HCK: variants seen among roughly 807,000 people sequenced by gnomAD.
HCK encodes the protein tyrosine-protein kinase HCK.
Under a neutral mutation model 70.4 loss-of-function variants are expected in HCK, and 40 were observed. The ratio of observed to expected loss-of-function variants is 0.57; its 90% CI spans 0.44 to 0.74. The LOEUF is 0.74. HCK is among the 30% of genes least tolerant of loss of function. The pLI is 0.00. For missense variants in HCK, 568 were observed against 697.2 expected, an observed-to-expected ratio of 0.81 and a Z score of 2.09; for synonymous variants, 245 against 263.2, an observed-to-expected ratio of 0.93 and a Z score of 0.67.
chr20:32,060,042 G>C (rs930970060), intron 1 of HCK, among the ~76,000 whole-genome samples: 7 of 152,040 alleles, frequency 4.6e-5, no homozygotes, highest in African/African-American at 1.7e-4. Flanking sequence ...TCAGTACCAC[G>C]GCAGGTTAAA....
chr20:32,094,774 A>AG (rs2045921041), intron 11 of HCK, among the ~76,000 whole-genome samples: 3 of 123,844 alleles, frequency 2.4e-5, no homozygotes, highest in African/African-American at 9.7e-5. Context: ...GGAAAGAAAG[A>AG]AAGAGAGAGA....
chr20:32,075,682 T>TCATCCATCCATC (rs1415735376), intron 5 of HCK, among the ~76,000 whole-genome samples: 1 of 150,786 alleles, frequency 6.6e-6, no homozygotes, highest in Non-Finnish European at 1.5e-5. Flanking sequence ...TATACTTCAG[T>TCATCCATCCATC]CATCCATCCA....
chr20:32,062,717 C>T (rs776337933), intron 1 of HCK, among the ~76,000 whole-genome samples: 2 of 152,214 alleles, frequency 1.3e-5, no homozygotes, highest in South Asian at 2.1e-4. Flanking sequence ...AAAGGGAAGA[C>T]GTGAGAAGTC....
chr20:32,075,206 G>A (rs1278767659), intron 5 of HCK, among the ~76,000 whole-genome samples: 1 of 151,956 alleles, frequency 6.6e-6, no homozygotes, highest in Non-Finnish European at 1.5e-5. Flanking sequence ...GTTTTGTTTT[G>A]TTTTGAGACA....
chr20:32,072,563 T>TAAAAAAAAA (rs199684278), intron 2 of HCK: 22 of 63,204 alleles, frequency 3.5e-4, no homozygotes, highest in African/African-American at 1.6e-3. Flanking sequence ...CCTGTCTCTT[T>TAAAAAAAAA]AAAAAAAAAA....
intron 1 of HCK, among the ~76,000 whole-genome samples, chr20:32,063,512 G>T (rs1384224904): frequency 6.6e-6 from 1 of 152,050 alleles, no homozygotes; most frequent in Non-Finnish European, 1.5e-5. Flanking sequence ...GCCTCCAAAA[G>T]TGCTGGGATT....
At chr20:32,053,143 T>C (rs2045207373) in intron 1 of HCK, among the ~76,000 whole-genome samples, 1 of 152,176 alleles carries the variant, frequency 6.6e-6, no homozygotes, top group Admixed American at 6.5e-5. Flanking sequence ...AAGTCTTTCT[T>C]GCAAGGATGC....
At chr20:32,074,556 G>T in intron 4 of HCK, 67 bp from the exon 5 acceptor site, 1 of 1,189,142 alleles carries the variant, frequency 8.4e-7, no homozygotes, top group South Asian at 1.2e-5. Flanking sequence ...GTCAAGGCTG[G>T]GGAGCTTGAG....
At chr20:32,068,414 A>G (rs975831560) in intron 1 of HCK, among the ~76,000 whole-genome samples, 1 of 150,300 alleles carries the variant, frequency 6.7e-6, no homozygotes, top group African/African-American at 2.5e-5. Flanking sequence ...AGGAAAAAAT[A>G]AAATAAAATA....
At chr20:32,074,858 C>T (rs1230397248) in intron 5 of HCK, 137 bp downstream of exon 5, 3 of 630,630 alleles carry the variant, frequency 4.8e-6, no homozygotes, top group Non-Finnish European at 8.5e-6. Context: ...CTGGCTCCTT[C>T]TCTTCCTTCA....
chr20:32,052,397 G>A lies in HCK; in HGVS notation c.-28G>A, dbSNP rs1209712849. The A allele has an allele frequency of 7.8e-7, 1 of 1,283,902 alleles. No homozygotes were observed. Among genetic ancestry groups the A allele is most frequent in the South Asian group, 2.7e-5 (1 of 36,776 alleles). 79.5% of individuals were successfully genotyped at this position (1,283,902 alleles called of 1,614,324 possible). On this transcript the variant is annotated 5_prime_UTR_variant, in exon 1 of 13. Coordinates refer to ENST00000375852, the MANE Select transcript of HCK (RefSeq NM_002110.5). Reference sequence around the variant, plus strand: ...CTAGAAAGTCAGTTTCCCGGCACTGGCACCCCGGAACCTCAGGGGCTGCCG... The same window carrying A: ...CTAGAAAGTCAGTTTCCCGGCACTGACACCCCGGAACCTCAGGGGCTGCCG...
chr20:32,070,435 G>GTGCCTCCAACTTCTCTCTAAGCACA (rs1255901448), intron 1 of HCK, among the ~76,000 whole-genome samples: 6 of 152,098 alleles, frequency 3.9e-5, no homozygotes, highest in Non-Finnish European at 8.8e-5. Context: ...CCTGCTTTCA[G>GTGCCTCCAACTTCTCTCTAAGCACA]TGCCTCCAAC....
At chr20:32,086,970 C>T (rs2045797856) in intron 9 of HCK, among the ~76,000 whole-genome samples, 163 bp downstream of exon 9, 1 of 152,218 alleles carries the variant, frequency 6.6e-6, no homozygotes, top group Admixed American at 6.5e-5. Flanking sequence ...CAATCCAGCC[C>T]TCCTGGTTAG....
At chr20:32,085,050 CTGTGGGGTAGATGCAGTGCCAGCCCAG>C (rs1400978515) in intron 8 of HCK, among the ~76,000 whole-genome samples, 1 of 152,210 alleles carries the variant, frequency 6.6e-6, no homozygotes, top group African/African-American at 2.4e-5. Context: ...CTTTGCAGGG[CTGTGGGGTAGATGCAGTGCCAGCCCAG>C]TGTGGGGCAG....
Position 32,089,954 on chromosome 20 carries a change from G to A in HCK, c.1092+1310G>A, listed in dbSNP as rs886249574. The stretch of plus-strand genomic sequence containing the variant: ...TACTCAGCAGGAGCCCAGGGATAGT[G>A]GGAGTTGAGTGAGACCCTGCCTGGG... On this transcript the variant is annotated intron_variant, in intron 10 of 12. Coordinates refer to ENST00000375852, the MANE Select transcript of HCK (RefSeq NM_002110.5). Among the ~76,000 whole-genome samples, 15 of 152,314 alleles carry A rather than the reference G, an allele frequency of 9.8e-5. No individual in the cohort carries two copies. The East Asian group carries it at 1.2e-3, about 12-fold the overall frequency.
chr20:32,088,730 G>A, intron 10 of HCK, 86 bp downstream of exon 10: 1 of 932,654 alleles, frequency 1.1e-6, no homozygotes, highest in African/African-American at 1.6e-5. Flanking sequence ...ATACTATGAT[G>A]ATAGCAGTAA....
At chr20:32,080,477 G>A (rs551207418) in intron 6 of HCK, among the ~76,000 whole-genome samples, 2 of 152,016 alleles carry the variant, frequency 1.3e-5, no homozygotes, top group African/African-American at 2.4e-5. Flanking sequence ...GATTACAGGC[G>A]TGAGCCACTG....
In HCK at chr20:32,101,641, A is replaced by C. The variant is rs2046037808; in HGVS notation, c.*122A>C. ...AGACACCCACCCTCGCTTCAGCCAC[A>C]GTTTCCTCATCTGTCCAGTGGGTAG... On this transcript the variant is annotated 3_prime_UTR_variant, in exon 13 of 13. Coordinates refer to ENST00000375852, the MANE Select transcript of HCK (RefSeq NM_002110.5). The C allele has an allele frequency of 1.3e-6, 1 of 750,306 alleles. No individual in the cohort carries two copies. Among genetic ancestry groups the C allele is most frequent in the Non-Finnish European group, 2.2e-6 (1 of 460,548 alleles). The allele number at this position is 750,306 out of a possible 1,614,324, so 46.5% of individuals were successfully genotyped here.
At chr20:32,061,747 T>C (rs1308320396) in intron 1 of HCK, among the ~76,000 whole-genome samples, 1 of 151,952 alleles carries the variant, frequency 6.6e-6, no homozygotes, top group Non-Finnish European at 1.5e-5. Context: ...GTTGGTGAGT[T>C]GAAGAAGAGC....
Sources: allele counts gnomAD v4.1 joint callset (sites outside exome capture counted in the v4.1 genomes callset), GRCh38; gene constraint gnomAD v4.1.1; transcripts MANE v1.5; gene names NCBI Gene and HGNC (gene_info 2026-07-23, HGNC 2026-07-21).